ASCL3: variants seen among roughly 807,000 people sequenced by gnomAD.
ASCL3 encodes the protein achaete-scute family bHLH transcription factor 3.
A neutral mutation model predicts 2.3 loss-of-function variants in ASCL3; 1 was observed. That is an observed-to-expected ratio of 0.44 (90% CI 0.16 to 2.10). The LOEUF is 2.10. Among genes scored for constraint, ASCL3 ranks in the 30% most tolerant of loss-of-function variants. ASCL3 has a pLI of 0.28. For synonymous variants in ASCL3, 98 were observed against 88.5 expected (o/e 1.11, Z -0.60); for missense variants, 243 against 229.0 (o/e 1.06, Z -0.40).
intron 1 of ASCL3, among the ~76,000 whole-genome samples, chr11:8,939,924 A>C (rs554873698): frequency 6.6e-6 from 1 of 152,252 alleles, no homozygotes; most frequent in East Asian, 1.9e-4. Flanking sequence ...GTAGAACTGT[A>C]AATATATTGA....
At position 8,937,804 on chromosome 11, in the gene ASCL3, G is replaced by C. The variant is rs150668187; in HGVS notation, c.358C>G (p.Leu120Val). 4 of 1,614,032 alleles carry C rather than the reference G, an allele frequency of 2.5e-6. No homozygotes were observed. The highest frequency in any genetic ancestry group is 3.4e-6 in the Non-Finnish European group (4 of 1,180,026). The stretch of plus-strand genomic sequence containing the variant: ...CGCTTCTCCAAATACTCCTCTGGCA[G>C]ATGATGGCGGAGCTGGGCGTAGCCT... ...NEGYAQLRHHLPEEYLEKRLS... is the reference protein window; with the variant it reads ...NEGYAQLRHHVPEEYLEKRLS... The change falls in exon 2 of 2, where the codon CTG (leucine) becomes GTG (valine). Residue 120 changes from leucine to valine, a missense_variant. Leu to Val is a conservative substitution (Grantham distance 32). Coordinates refer to ENST00000531618, the MANE Select transcript of ASCL3 (RefSeq NM_020646.3).
rs780605895 is a variant in ASCL3 at position 8,937,971 on chromosome 11, A to G, written c.191T>C (p.Ile64Thr). ...GCAGGGTTCACTGTAATTTCCCAGG[A>G]TAAGAGAGTCGCTGGGAAAAGGCAG... Reference protein sequence around the residue: ...PRLPFPSDSLILGNYSEPCPF... With the variant: ...PRLPFPSDSLTLGNYSEPCPF... The change falls in exon 2 of 2, where the codon ATC becomes ACC. Residue 64 changes from isoleucine to threonine, a missense_variant. Coordinates refer to ENST00000531618, the MANE Select transcript of ASCL3 (RefSeq NM_020646.3). The G allele has an allele frequency of 2.5e-6, 4 of 1,613,986 alleles. No homozygotes were observed. The highest frequency in any genetic ancestry group is 3.4e-6 in the Non-Finnish European group (4 of 1,179,922).
intron 1 of ASCL3, among the ~76,000 whole-genome samples, chr11:8,938,610 A>G (rs961269555): frequency 2.0e-5 from 3 of 152,030 alleles, no homozygotes; most frequent in Non-Finnish European, 4.4e-5. Flanking sequence ...CATGTGGACA[A>G]TGAGATGGTG....
intron 1 of ASCL3, among the ~76,000 whole-genome samples, chr11:8,942,479 A>G (rs547219196): frequency 9.2e-5 from 14 of 152,284 alleles, no homozygotes; most frequent in Non-Finnish European, 1.6e-4. Context: ...TAACAAACAC[A>G]CCTATGTTGG....
Position 8,937,865 on chromosome 11 carries a change from A to G in ASCL3, c.297T>C (p.Asn99=). 1 of 1,614,130 alleles carries G rather than the reference A, an allele frequency of 6.2e-7. No homozygotes were observed. The highest frequency in any genetic ancestry group is 8.5e-7 in the Non-Finnish European group (1 of 1,180,014). The change falls in exon 2 of 2, where the codon AAT becomes AAC. Residue 99 remains asparagine (N), a synonymous_variant. Transcript: ENST00000531618. ...SYGPAFTRKR[N]ERERQRVKCV... The stretch of plus-strand genomic sequence containing the variant: ...ATTTCACCCGCTGCCTTTCCCGCTC[A>G]TTCCTTTTCCGGGTGAAGGCTGGCC...
At chr11:8,941,800 G>T (rs746635383) in intron 1 of ASCL3, among the ~76,000 whole-genome samples, 1 of 152,062 alleles carries the variant, frequency 6.6e-6, no homozygotes, top group Non-Finnish European at 1.5e-5. Context: ...CTGTCAAAAA[G>T]AAAAAGTTAC....
At chr11:8,939,062 C>T (rs1038018740) in intron 1 of ASCL3, among the ~76,000 whole-genome samples, 3 of 151,996 alleles carry the variant, frequency 2.0e-5, no homozygotes, top group Non-Finnish European at 2.9e-5. Context: ...GCCTCAGCCT[C>T]TCCAACTGCT....
In ASCL3 at chr11:8,938,036, C is replaced by G; in HGVS notation, c.126G>C (p.Glu42Asp). Residue 42 changes from glutamate to aspartate, a missense_variant, in exon 2 of 2, where the codon GAG becomes GAC. Transcript: ENST00000531618. ...EPMVTFHVHP[E>D]APVSSPYSEE... The stretch of plus-strand genomic sequence containing the variant: ...CAGAGTAAGGGGATGACACCGGGGC[C>G]TCTGGGTGCACGTGGAAAGTGACCA... The G allele has an allele frequency of 6.2e-7, 1 of 1,614,022 alleles. No individual in the cohort carries two copies. The highest frequency in any genetic ancestry group is 8.5e-7 in the Non-Finnish European group (1 of 1,179,980).
intron 1 of ASCL3, among the ~76,000 whole-genome samples, chr11:8,939,772 A>T (rs112140250): frequency 6.6e-6 from 1 of 152,152 alleles, no homozygotes; most frequent in African/African-American, 2.4e-5. Context: ...TTCTTAAAGA[A>T]TACCTGATGT....
At chr11:8,941,024 A>G (rs1353007106) in intron 1 of ASCL3, among the ~76,000 whole-genome samples, 1 of 152,114 alleles carries the variant, frequency 6.6e-6, no homozygotes, top group Admixed American at 6.5e-5. Flanking sequence ...CCTATAATGC[A>G]CCCAGCATTT....
At chr11:8,940,973 A>T (rs1853686287) in intron 1 of ASCL3, among the ~76,000 whole-genome samples, 1 of 152,092 alleles carries the variant, frequency 6.6e-6, no homozygotes, top group African/African-American at 2.4e-5. Context: ...TCCGAAGGGG[A>T]GTCCTAAACC....
chr11:8,942,447 T>C (rs1411122270), intron 1 of ASCL3, among the ~76,000 whole-genome samples: 1 of 152,126 alleles, frequency 6.6e-6, no homozygotes, highest in Non-Finnish European at 1.5e-5. Context: ...TGGGGCTCCA[T>C]GGTTCCAGAT....
chr11:8,941,907 G>A (rs1191464862), intron 1 of ASCL3, among the ~76,000 whole-genome samples: 2 of 152,114 alleles, frequency 1.3e-5, no homozygotes, highest in Admixed American at 1.3e-4. Flanking sequence ...TGGCAAATGG[G>A]TGTGGAGCCC....
intron 1 of ASCL3, among the ~76,000 whole-genome samples, chr11:8,938,856 G>A (rs888684153): frequency 1.3e-5 from 2 of 148,918 alleles, no homozygotes; most frequent in African/African-American, 2.5e-5. Context: ...CCAGGCTGGA[G>A]TGCAGTGGTG....
In ASCL3 at chr11:8,937,931, C is replaced by A; in HGVS notation, c.231G>T (p.Pro77=). 6.2e-7 allele frequency: 1 copy of A among 1,613,944 alleles called. No homozygotes were observed. The highest frequency in any genetic ancestry group is 8.5e-7 in the Non-Finnish European group (1 of 1,179,936). The change falls in exon 2 of 2, where the codon CCG becomes CCT. Residue 77 remains proline (P), a synonymous_variant. Coordinates refer to ENST00000531618, the MANE Select transcript of ASCL3 (RefSeq NM_020646.3). The part of the protein sequence containing the change: ...NYSEPCPFSF[P]MPYPNYRGCE... Reference sequence around the variant, plus strand: ...ACCCTCTGTAATTTGGATAAGGCATCGGGAAAGAGAAGGGGCAGGGTTCAC... The same window carrying A: ...ACCCTCTGTAATTTGGATAAGGCATAGGGAAAGAGAAGGGGCAGGGTTCAC...
chr11:8,940,387 CT>C (rs756432684), intron 1 of ASCL3, among the ~76,000 whole-genome samples: 2 of 152,100 alleles, frequency 1.3e-5, no homozygotes, highest in African/African-American at 4.8e-5. Flanking sequence ...TATCCTTCTC[CT>C]GTTTTAAACT....
At chr11:8,939,946 C>G (rs1442229041) in intron 1 of ASCL3, among the ~76,000 whole-genome samples, 14 of 151,920 alleles carry the variant, frequency 9.2e-5, no homozygotes, top group Non-Finnish European at 1.5e-5. Flanking sequence ...TAAAGTGCAG[C>G]TATGTTTAGG....
intron 1 of ASCL3, among the ~76,000 whole-genome samples, chr11:8,939,964 A>T (rs543529843): frequency 5.3e-5 from 8 of 152,066 alleles, no homozygotes; most frequent in Non-Finnish European, 1.2e-4. Flanking sequence ...AGGTTTTTAA[A>T]TTTTTTTATT....
chr11:8,939,839 C>T (rs1194064234), intron 1 of ASCL3, among the ~76,000 whole-genome samples: 1 of 152,096 alleles, frequency 6.6e-6, no homozygotes, highest in East Asian at 1.9e-4. Context: ...CTTAAATGTT[C>T]ACTATGGGAC....
Sources: allele counts gnomAD v4.1 joint callset (sites outside exome capture counted in the v4.1 genomes callset), GRCh38; gene constraint gnomAD v4.1.1; transcripts MANE v1.5; gene names NCBI Gene and HGNC (gene_info 2026-07-23, HGNC 2026-07-21).